Variants in ADGRB3 observed in about 807,000 individuals in gnomAD.
ADGRB3 encodes brain-specific angiogenesis inhibitor 3.
ADGRB3 carries 37 observed loss-of-function variants against 193.4 expected under a neutral mutation model. The observed-to-expected ratio is 0.19, with a 90% CI of 0.15 to 0.25. The LOEUF (loss-of-function observed/expected upper bound fraction) is 0.25, where lower values mean the gene tolerates loss of function less well. Among genes scored for constraint, ADGRB3 ranks in the 10% least tolerant of loss-of-function variants. The probability of loss-of-function intolerance (pLI) is 1.00; values close to 1 mark genes in which losing one functional copy is unlikely to be tolerated. For missense variants in ADGRB3, 1,637 were observed against 1,852.9 expected, an observed-to-expected ratio of 0.88 and a Z score of 2.14; for synonymous variants, 690 against 644.2, an observed-to-expected ratio of 1.07 and a Z score of -1.08.
At chr6:68,849,501 G>A (rs1768353956) in intron 3 of ADGRB3, among the ~76,000 whole-genome samples, 2 of 151,996 alleles carry the variant, frequency 1.3e-5, no homozygotes, top group South Asian at 4.1e-4. Context: ...CTGAAAATAA[G>A]ATTATTACAC....
At chr6:69,091,464 A>G (rs1289001492) in intron 17 of ADGRB3, among the ~76,000 whole-genome samples, 2 of 152,210 alleles carry the variant, frequency 1.3e-5, no homozygotes, top group African/African-American at 4.8e-5. Flanking sequence ...CAGCCATAAA[A>G]AAGAATGAGA....
At chr6:69,242,371 T>G (rs973212686) in intron 20 of ADGRB3, among the ~76,000 whole-genome samples, 2 of 151,888 alleles carry the variant, frequency 1.3e-5, no homozygotes, top group African/African-American at 4.8e-5. Context: ...TAATTGATGC[T>G]TTAGTATTCC....
chr6:68,817,384 A>G (rs2127378818), intron 3 of ADGRB3, among the ~76,000 whole-genome samples: 1 of 135,634 alleles, frequency 7.4e-6, no homozygotes, highest in African/African-American at 2.6e-5. Flanking sequence ...TTCTTTTAAA[A>G]GGCATGACTT....
At chr6:69,024,608 G>A (rs1770371804) in intron 13 of ADGRB3, among the ~76,000 whole-genome samples, 1 of 152,116 alleles carries the variant, frequency 6.6e-6, no homozygotes, top group African/African-American at 2.4e-5. Context: ...AATACAGAAT[G>A]CTATAATTAT....
chr6:68,991,442 A>T (rs1410043281), intron 10 of ADGRB3, among the ~76,000 whole-genome samples: 1 of 152,012 alleles, frequency 6.6e-6, no homozygotes, highest in Non-Finnish European at 1.5e-5. Flanking sequence ...AGTCTGGGAG[A>T]TGACTGAGAA....
chr6:68,846,914 G>A (rs1169911095), intron 3 of ADGRB3, among the ~76,000 whole-genome samples: 1 of 152,148 alleles, frequency 6.6e-6, no homozygotes, highest in African/African-American at 2.4e-5. Context: ...ACCTAGAAAA[G>A]CCACAGACAC....
chr6:69,215,932 T>C (rs188376176), intron 17 of ADGRB3, among the ~76,000 whole-genome samples: 82 of 152,318 alleles, frequency 5.4e-4, no homozygotes, highest in Admixed American at 2.7e-3. Context: ...ACATAGATAG[T>C]TAATATAAAT....
intron 8 of ADGRB3, among the ~76,000 whole-genome samples, chr6:68,964,348 C>T (rs1768317902): frequency 6.6e-6 from 1 of 152,122 alleles, no homozygotes; most frequent in Admixed American, 6.6e-5. Flanking sequence ...CAGCTGTGCC[C>T]AAATAGTGGT....
chr6:68,686,246 A>G (rs888210313), intron 3 of ADGRB3, among the ~76,000 whole-genome samples: 2 of 152,190 alleles, frequency 1.3e-5, no homozygotes, highest in Admixed American at 6.5e-5. Context: ...TTTTCTGCTA[A>G]ACCTTTGGCT....
chr6:68,884,258 T>C (rs748529885), intron 3 of ADGRB3, among the ~76,000 whole-genome samples: 1 of 152,198 alleles, frequency 6.6e-6, no homozygotes, highest in Non-Finnish European at 1.5e-5. Context: ...GGCACGGGGA[T>C]GTGTCAGGAG....
chr6:69,205,669 G>A (rs1483598503), intron 17 of ADGRB3, among the ~76,000 whole-genome samples: 1 of 151,896 alleles, frequency 6.6e-6, no homozygotes, highest in Non-Finnish European at 1.5e-5. Flanking sequence ...CAAACTCTTG[G>A]GCCAAACATA....
chr6:69,295,972 C>A (rs1318633397), intron 20 of ADGRB3, among the ~76,000 whole-genome samples: 2 of 152,172 alleles, frequency 1.3e-5, no homozygotes, highest in East Asian at 1.9e-4. Flanking sequence ...TGGGAGAGAA[C>A]CTGAGAATAT....
chr6:69,107,728 A>T (rs373097539), intron 17 of ADGRB3, among the ~76,000 whole-genome samples: 2 of 152,230 alleles, frequency 1.3e-5, no homozygotes, highest in African/African-American at 4.8e-5. Context: ...GAATGAAATC[A>T]TGTCCCTTGT....
intron 3 of ADGRB3, among the ~76,000 whole-genome samples, chr6:68,796,968 A>G (rs1280320182): frequency 6.6e-6 from 1 of 152,146 alleles, no homozygotes; most frequent in Admixed American, 6.6e-5. Flanking sequence ...AGAGACATGA[A>G]GTGTATTTGT....
intron 17 of ADGRB3, among the ~76,000 whole-genome samples, chr6:69,112,439 T>G (rs1290123617): frequency 6.6e-5 from 10 of 152,168 alleles, no homozygotes. Context: ...GGGAATGTAG[T>G]CTCTGGCTAA....
At chr6:68,703,758 G>T (rs1284981949) in intron 3 of ADGRB3, among the ~76,000 whole-genome samples, 1 of 152,030 alleles carries the variant, frequency 6.6e-6, no homozygotes, top group Non-Finnish European at 1.5e-5. Flanking sequence ...GAGTAGCTGG[G>T]ATTACAGGCG....
intron 20 of ADGRB3, 143 bp from the exon 21 acceptor site, chr6:69,324,729 T>G (rs1404334745): frequency 6.3e-6 from 6 of 948,450 alleles, no homozygotes; most frequent in Non-Finnish European, 6.2e-6. Context: ...TTATAATTTC[T>G]GTAAATAATT....
chr6:68,696,597 A>G (rs1336598672), intron 3 of ADGRB3, among the ~76,000 whole-genome samples: 11 of 151,862 alleles, frequency 7.2e-5, no homozygotes, highest in Non-Finnish European at 1.5e-4. Context: ...ATTTACATTT[A>G]TAATATAATA....
At chr6:69,278,089 C>G (rs1424009147) in intron 20 of ADGRB3, among the ~76,000 whole-genome samples, 2 of 152,140 alleles carry the variant, frequency 1.3e-5, no homozygotes, top group Non-Finnish European at 1.5e-5. Flanking sequence ...TCTGAACATG[C>G]CTTTGAGGGA....
Sources: gnomAD v4.1 joint callset for allele counts (sites outside exome capture counted in the v4.1 genomes callset) on GRCh38, gnomAD v4.1.1 for gene constraint, MANE v1.5 for transcripts, NCBI Gene and HGNC (gene_info 2026-07-23, HGNC 2026-07-21) for gene names.